The following DDX50 variants were observed in gnomAD, a reference collection of about 807,000 sequenced individuals.
DDX50 encodes ATP-dependent RNA helicase DDX50.
Under a neutral mutation model 94.8 loss-of-function variants are expected in DDX50, and 56 were observed. That is an observed-to-expected ratio of 0.59 (90% CI 0.48 to 0.74). DDX50 has a LOEUF of 0.74. DDX50 is among the 30% of genes least tolerant of loss of function. The pLI is 0.00. For synonymous variants in DDX50, 264 were observed against 295.4 expected (o/e 0.89, Z 1.09); for missense variants, 713 against 881.2 (o/e 0.81, Z 2.42).
At chr10:68,924,280 T>G (rs1842019604) in intron 8 of DDX50, among the ~76,000 whole-genome samples, 2 of 152,062 alleles carry the variant, frequency 1.3e-5, no homozygotes, top group African/African-American at 2.4e-5. Context: ...CAAAATTTTT[T>G]TTTTTTAAGA....
chr10:68,915,427 GA>G (rs983469956), intron 7 of DDX50, among the ~76,000 whole-genome samples: 4 of 137,772 alleles, frequency 2.9e-5, no homozygotes, highest in African/African-American at 8.1e-5. Context: ...AAAAATAAAA[GA>G]AAAAAAAGGC....
At position 68,934,645 on chromosome 10, in the gene DDX50, C is replaced by G. The variant is rs1259310271; in HGVS notation, c.1402-154C>G. Among the ~76,000 whole-genome samples the G allele has an allele frequency of 2.0e-5, 3 of 152,004 alleles. No individual in the cohort carries two copies. Among genetic ancestry groups the G allele is most frequent in the Non-Finnish European group, 4.4e-5 (3 of 68,014 alleles). ...ATTAAAAGGTTTTAAATCATATTGC[C>G]TTTACCCCAAAATCCACACATATAA... On this transcript the variant is annotated intron_variant, in intron 9 of 14. Transcript: ENST00000373585. This position sits in a 1 kb window ranked among gnomAD's most constrained non-coding sequence, Gnocchi z 4.0.
At position 68,914,170 on chromosome 10, in the gene DDX50, G is replaced by GA. The variant is rs771335614; in HGVS notation, c.1060dup (p.Met354AsnfsTer36). 1 of 1,610,902 alleles carries GA rather than the reference G, an allele frequency of 6.2e-7. No homozygotes were observed. The highest frequency in any genetic ancestry group is 8.5e-7 in the Non-Finnish European group (1 of 1,179,002). Reference sequence around the variant, plus strand: ...AGATATGAACAGGTTGACCTTGTTGGAAAAATGACTCAAAAGGCTGCAACT... The same window carrying GA: ...AGATATGAACAGGTTGACCTTGTTGGAAAAAATGACTCAAAAGGCTGCAACT... On this transcript the variant is annotated frameshift_variant, in exon 7 of 15. Coordinates refer to ENST00000373585, the MANE Select transcript of DDX50 (RefSeq NM_024045.2). LOFTEE classifies it high-confidence loss of function.
At chr10:68,927,740 C>T (rs893087438) in intron 8 of DDX50, among the ~76,000 whole-genome samples, 1 of 152,162 alleles carries the variant, frequency 6.6e-6, no homozygotes, top group Non-Finnish European at 1.5e-5. Context: ...TGCTTGAGCC[C>T]AGGAATTTGA....
chr10:68,908,100 G>A (rs1841509791), intron 2 of DDX50, among the ~76,000 whole-genome samples: 1 of 152,084 alleles, frequency 6.6e-6, no homozygotes, highest in Non-Finnish European at 1.5e-5. Flanking sequence ...CTGTATAATA[G>A]AATACAGCTA....
intron 8 of DDX50, among the ~76,000 whole-genome samples, chr10:68,929,502 T>C (rs1299928391): frequency 6.6e-6 from 1 of 151,830 alleles, no homozygotes; most frequent in East Asian, 1.9e-4. Flanking sequence ...CTTGGCTCAC[T>C]GCAACCTCCA....
intron 12 of DDX50, among the ~76,000 whole-genome samples, chr10:68,940,334 G>A (rs139496540): frequency 6.6e-6 from 1 of 150,658 alleles, no homozygotes; most frequent in East Asian, 2.0e-4. Flanking sequence ...AGCTGAGATC[G>A]TGCCACTGCA....
chr10:68,934,779 T>A lies in DDX50; in HGVS notation c.1402-20T>A. ...CAACTTGCTAGATTTTTAAAAAATA[T>A]TACCTTTTATAATCTTTAGGATGTT... On this transcript the variant is annotated intron_variant, in intron 9 of 14. Coordinates refer to ENST00000373585, the MANE Select transcript of DDX50 (RefSeq NM_024045.2). The surrounding 1 kb of genome is among the most constrained non-coding windows in gnomAD (Gnocchi z 4.0). 6.4e-7 allele frequency: 1 copy of A among 1,572,602 alleles called. No individual in the cohort carries two copies. The highest frequency in any genetic ancestry group is 8.6e-7 in the Non-Finnish European group (1 of 1,166,974).
chr10:68,910,165 C>T, intron 2 of DDX50, 142 bp from the exon 3 acceptor site: 1 of 683,874 alleles, frequency 1.5e-6, no homozygotes, highest in Non-Finnish European at 2.4e-6. Context: ...CCAACCTGGG[C>T]AACAGAGTGG....
At chr10:68,911,956 A>G (rs1267531674) in intron 4 of DDX50, among the ~76,000 whole-genome samples, 1 of 152,230 alleles carries the variant, frequency 6.6e-6, no homozygotes, top group Non-Finnish European at 1.5e-5. Context: ...TCAGCATCAT[A>G]ATATGAACAA....
intron 12 of DDX50, among the ~76,000 whole-genome samples, chr10:68,940,345 T>C (rs1842525736): frequency 6.7e-6 from 1 of 150,346 alleles, no homozygotes; most frequent in South Asian, 2.1e-4. Context: ...TGCCACTGCA[T>C]TCCAACCTGG....
chr10:68,912,242 C>T (rs971448241), intron 4 of DDX50, among the ~76,000 whole-genome samples: 1 of 151,882 alleles, frequency 6.6e-6, no homozygotes, highest in Non-Finnish European at 1.5e-5. Context: ...GACAGGGTCT[C>T]TCTCTGTTGC....
At chr10:68,932,786 T>C in intron 8 of DDX50, among the ~76,000 whole-genome samples, 1 of 152,326 alleles carries the variant, frequency 6.6e-6, no homozygotes, top group Non-Finnish European at 1.5e-5. Flanking sequence ...TATTTTTGCC[T>C]ATTAAATTCA....
Position 68,943,752 on chromosome 10 carries a change from T to A in DDX50, c.1935+495T>A, listed in dbSNP as rs192822456. Among the ~76,000 whole-genome samples the A allele has an allele frequency of 5.8e-3, 883 of 152,188 alleles. 15 individuals are homozygous for A. Among genetic ancestry groups the A allele is most frequent in the African/African-American group, 0.02 (810 of 41,520 alleles). On this transcript the variant is annotated intron_variant, in intron 14 of 14. Transcript: ENST00000373585. ...TGGCCCCCTGCCTGGCTAATTTTTTTAAAAAATTTTTGTAGAAACAGAGTC... is the reference window on the plus strand; with the variant it reads ...TGGCCCCCTGCCTGGCTAATTTTTTAAAAAAATTTTTGTAGAAACAGAGTC...
chr10:68,931,686 A>G (rs546834085), intron 8 of DDX50, among the ~76,000 whole-genome samples: 81 of 151,816 alleles, frequency 5.3e-4, no homozygotes, highest in African/African-American at 1.8e-3. Context: ...CGGCCTCCCA[A>G]AGTGCTAGGA....
At chr10:68,908,365 C>T (rs778760548) in intron 2 of DDX50, among the ~76,000 whole-genome samples, 7 of 147,630 alleles carry the variant, frequency 4.7e-5, no homozygotes, top group African/African-American at 1.2e-4. Context: ...GCAGGAGAAT[C>T]GCTTGAACCT....
At chr10:68,912,712 T>C (rs556132405) in intron 4 of DDX50, among the ~76,000 whole-genome samples, 1 of 152,368 alleles carries the variant, frequency 6.6e-6, no homozygotes, top group South Asian at 2.1e-4. Context: ...CATTAGTTCC[T>C]AGCACATGGT....
intron 14 of DDX50, among the ~76,000 whole-genome samples, chr10:68,945,553 C>T (rs561407863): frequency 3.3e-5 from 5 of 152,194 alleles, no homozygotes; most frequent in East Asian, 3.9e-4. Flanking sequence ...GTGATCTGCC[C>T]GCCTCGGCCT....
intron 2 of DDX50, among the ~76,000 whole-genome samples, chr10:68,908,094 A>G (rs1841509548): frequency 6.6e-6 from 1 of 152,224 alleles, no homozygotes; most frequent in Admixed American, 6.5e-5. Flanking sequence ...CTATAGCTGT[A>G]TAATAGAATA....
Sources: gnomAD v4.1 joint callset for allele counts (sites outside exome capture counted in the v4.1 genomes callset) on GRCh38, gnomAD v4.1.1 for gene constraint, Gnocchi (gnomAD v3.1) non-coding constraint, MANE v1.5 for transcripts, NCBI Gene and HGNC (gene_info 2026-07-23, HGNC 2026-07-21) for gene names.